Variants in CDH4 observed in about 807,000 individuals in gnomAD.
CDH4 encodes the protein cadherin-4.
CDH4 carries 33 observed loss-of-function variants against 86.0 expected under a neutral mutation model. The observed-to-expected ratio is 0.38, with a 90% CI of 0.29 to 0.51. CDH4 has a LOEUF of 0.51. Ranked by LOEUF, CDH4 falls within the 20% of genes least tolerant of loss-of-function variation. The probability of loss-of-function intolerance (pLI) is 0.86; values close to 1 mark genes in which losing one functional copy is unlikely to be tolerated. For missense variants in CDH4, 1,114 were observed against 1,307.4 expected, an observed-to-expected ratio of 0.85 and a Z score of 2.28; for synonymous variants, 555 against 549.4, an observed-to-expected ratio of 1.01 and a Z score of -0.14.
At chr20:61,378,268 AT>A in intron 2 of CDH4, among the ~76,000 whole-genome samples, 1 of 152,296 alleles carries the variant, frequency 6.6e-6, no homozygotes, top group Admixed American at 6.5e-5. Context: ...AGAAAAAAAA[AT>A]TTATTGGGAT....
chr20:61,284,580 C>A (rs1208792833), intron 2 of CDH4, among the ~76,000 whole-genome samples: 1 of 152,196 alleles, frequency 6.6e-6, no homozygotes, highest in Middle Eastern at 3.2e-3. Flanking sequence ...TTAACATATG[C>A]CCAACACATA....
chr20:61,409,212 C>G (rs974430971), intron 2 of CDH4, among the ~76,000 whole-genome samples: 2 of 152,164 alleles, frequency 1.3e-5, no homozygotes, highest in East Asian at 3.9e-4. Flanking sequence ...TGCTCCTGAC[C>G]TTGAACCCTC....
intron 2 of CDH4, among the ~76,000 whole-genome samples, chr20:61,333,679 C>T (rs2084598925): frequency 6.6e-6 from 1 of 152,260 alleles, no homozygotes; most frequent in South Asian, 2.1e-4. Context: ...CTTCCCTTTA[C>T]CAAAGGCTGC....
In CDH4 at chr20:61,818,689, T is replaced by TAAAA. The variant is rs150034277; in HGVS notation, c.577-25979_577-25978insAAAA. On this transcript the variant is annotated intron_variant, in intron 4 of 15. Transcript: ENST00000614565. ...CGAAGTCTCTTAAAAAACTAAAAATTTAAAAAAAAAAAAAAAGCGGGAAGT... is the reference window on the plus strand; with the variant it reads ...CGAAGTCTCTTAAAAAACTAAAAATTAAAATAAAAAAAAAAAAAAAGCGGGAAGT... 9.2e-5 allele frequency among the ~76,000 whole-genome samples: 13 copies of TAAAA among 141,626 alleles called. No homozygotes were observed. The South Asian group carries it at 2.7e-3, about 29-fold the overall frequency. The allele number at this position is 141,626 out of a possible 152,430, so 92.9% of individuals were successfully genotyped here.
At chr20:61,744,827 C>A (rs957717450) in intron 3 of CDH4, among the ~76,000 whole-genome samples, 1 of 152,214 alleles carries the variant, frequency 6.6e-6, no homozygotes, top group Non-Finnish European at 1.5e-5. Flanking sequence ...TGTTAGGTTC[C>A]CCGTGCCTGA....
Position 61,480,318 on chromosome 20 carries a change from T to C in CDH4, c.169+225381T>C, listed in dbSNP as rs2085561914. On this transcript the variant is annotated intron_variant, in intron 2 of 15. Transcript: ENST00000614565. This position sits in a 1 kb window ranked among gnomAD's most constrained non-coding sequence, Gnocchi z 5.2. Reference sequence around the variant, plus strand: ...GGCGCCCCCTGGCTGTGTCCTCTGCTTGGGCCACTGCCCTGTGCCACTGCC... The same window carrying C: ...GGCGCCCCCTGGCTGTGTCCTCTGCCTGGGCCACTGCCCTGTGCCACTGCC... Among the ~76,000 whole-genome samples, 2 of 152,182 alleles carry C rather than the reference T, an allele frequency of 1.3e-5. No homozygotes were observed. Among genetic ancestry groups the C allele is most frequent in the Admixed American group, 6.5e-5 (1 of 15,282 alleles).
rs888219412 is a variant in CDH4 at position 61,517,609 on chromosome 20, C to A, written c.170-225954C>A. 5.3e-5 allele frequency among the ~76,000 whole-genome samples: 8 copies of A among 152,082 alleles called. No individual in the cohort carries two copies. The highest frequency in any genetic ancestry group is 1.2e-4 in the Non-Finnish European group (8 of 68,016). On this transcript the variant is annotated intron_variant, in intron 2 of 15. Coordinates refer to ENST00000614565, the MANE Select transcript of CDH4 (RefSeq NM_001794.5). This position sits in a 1 kb window ranked among gnomAD's most constrained non-coding sequence, Gnocchi z 6.6. ...CTTCACTCCTGACCTTGGAACTTGG[C>A]GGGTGGCTGAGCCCCTTGAGCTGCA...
intron 6 of CDH4, among the ~76,000 whole-genome samples, chr20:61,872,458 G>C (rs1215735176): frequency 6.6e-6 from 1 of 152,062 alleles, no homozygotes; most frequent in African/African-American, 2.4e-5. Context: ...TTCATCTCAT[G>C]CACACGGGAA....
rs190383064 is a variant in CDH4 at position 61,544,824 on chromosome 20, T to C, written c.170-198739T>C. 3.2e-4 allele frequency among the ~76,000 whole-genome samples: 48 copies of C among 152,264 alleles called. No individual in the cohort carries two copies. The highest frequency in any genetic ancestry group is 3.1e-3 in the Admixed American group (48 of 15,304). On this transcript the variant is annotated intron_variant, in intron 2 of 15. Coordinates refer to ENST00000614565, the MANE Select transcript of CDH4 (RefSeq NM_001794.5). The surrounding 1 kb of genome is among the most constrained non-coding windows in gnomAD (Gnocchi z 6.5). The stretch of plus-strand genomic sequence containing the variant: ...CCTGCCCCCGAGGAAGGAACCTTGT[T>C]CCTCGGTTATAAAACTTGAGCTTTT...
intron 2 of CDH4, among the ~76,000 whole-genome samples, chr20:61,607,855 T>G (rs1285748369): frequency 6.6e-6 from 1 of 152,156 alleles, no homozygotes; most frequent in East Asian, 1.9e-4. Context: ...GTTTGATGCT[T>G]TTGTTGTATG....
At chr20:61,790,890 C>G (rs890409167) in intron 4 of CDH4, among the ~76,000 whole-genome samples, 72 of 151,712 alleles carry the variant, frequency 4.7e-4, no homozygotes, top group African/African-American at 1.6e-3. Context: ...CTTCCACCCA[C>G]CTACCATCCA....
At chr20:61,466,555 C>T (rs1374884263) in intron 2 of CDH4, among the ~76,000 whole-genome samples, 1 of 152,164 alleles carries the variant, frequency 6.6e-6, no homozygotes, top group Non-Finnish European at 1.5e-5. Flanking sequence ...AGAATTCATT[C>T]TTTCCTGGCT....
At chr20:61,724,234 C>T (rs552055874) in intron 2 of CDH4, among the ~76,000 whole-genome samples, 2 of 152,248 alleles carry the variant, frequency 1.3e-5, no homozygotes, top group Admixed American at 6.5e-5. Flanking sequence ...GTGGACCCAG[C>T]GGGCTCCTCA....
At chr20:61,339,157 G>A (rs8117202) in intron 2 of CDH4, among the ~76,000 whole-genome samples, 29 of 152,260 alleles carry the variant, frequency 1.9e-4, no homozygotes, top group African/African-American at 6.0e-4. Flanking sequence ...TTTATATGAT[G>A]TTTAAAAACA....
intron 3 of CDH4, among the ~76,000 whole-genome samples, chr20:61,768,518 C>T (rs1396333399): frequency 2.0e-5 from 3 of 152,150 alleles, no homozygotes; most frequent in South Asian, 2.1e-4. Context: ...AGAAGAAAAA[C>T]AGGCACCAGG....
At chr20:61,779,867 C>T (rs11906440) in intron 4 of CDH4, among the ~76,000 whole-genome samples, 7,800 of 152,304 alleles carry the variant, frequency 0.051, 652 homozygotes, top group African/African-American at 0.18. Flanking sequence ...TGTGTGAGCA[C>T]GTGTGGCGGG....
chr20:61,909,845 A>C (rs1740355), intron 8 of CDH4, among the ~76,000 whole-genome samples: 145,292 of 152,206 alleles, frequency 0.95, 69,375 homozygotes, highest in East Asian at 1. Context: ...ATCTTCGGGG[A>C]CACCATTCAA....
At chr20:61,907,821 G>C (rs190316288) in intron 8 of CDH4, among the ~76,000 whole-genome samples, 40 of 152,332 alleles carry the variant, frequency 2.6e-4, no homozygotes, top group Admixed American at 4.6e-4. Context: ...GGCGGTAGCT[G>C]TCCACTCTGG....
chr20:61,556,073 G>A (rs2086175391), intron 2 of CDH4, among the ~76,000 whole-genome samples: 1 of 152,180 alleles, frequency 6.6e-6, no homozygotes, highest in Non-Finnish European at 1.5e-5. Context: ...CCCCCATGTG[G>A]GAGACACAGA....
Sources: gnomAD v4.1 joint callset for allele counts (sites outside exome capture counted in the v4.1 genomes callset) on GRCh38, gnomAD v4.1.1 for gene constraint, Gnocchi (gnomAD v3.1) non-coding constraint, MANE v1.5 for transcripts, NCBI Gene and HGNC (gene_info 2026-07-23, HGNC 2026-07-21) for gene names.